The following ADCY8 variants were observed in gnomAD, a reference collection of about 807,000 sequenced individuals.
ADCY8 encodes adenylate cyclase 8, also known as adenylate cyclase type 8.
A neutral mutation model predicts 119.7 loss-of-function variants in ADCY8; 51 were observed. That is an observed-to-expected ratio of 0.43 (90% CI 0.34 to 0.54). The LOEUF (loss-of-function observed/expected upper bound fraction) is 0.54. Ranked by LOEUF, ADCY8 falls within the 20% of genes least tolerant of loss-of-function variation. The pLI, the probability that ADCY8 is intolerant of heterozygous loss-of-function variation, is 0.03. For synonymous variants in ADCY8, 665 were observed against 651.0 expected (o/e 1.02, Z -0.33); for missense variants, 1,383 against 1,598.8 (o/e 0.87, Z 2.30).
intron 5 of ADCY8, 29 bp downstream of exon 5, chr8:130,937,044 C>T: frequency 6.3e-7 from 1 of 1,593,988 alleles, no homozygotes; most frequent in Admixed American, 1.7e-5. Context: ...ATTGAAGACC[C>T]AGGTAACATG....
intron 2 of ADCY8, among the ~76,000 whole-genome samples, chr8:130,964,186 C>G (rs956192332): frequency 6.6e-6 from 1 of 152,240 alleles, no homozygotes; most frequent in African/African-American, 2.4e-5. Flanking sequence ...GGTAGACGCT[C>G]TCTTGGCTGA....
At chr8:130,780,946 C>T in intron 17 of ADCY8, 69 bp from the exon 18 acceptor site, 3 of 1,564,822 alleles carry the variant, frequency 1.9e-6, no homozygotes, top group African/African-American at 2.7e-5. Flanking sequence ...TGGACCCCTC[C>T]CTGGGACAGT....
chr8:130,809,934 T>A (rs1009884234), intron 14 of ADCY8, among the ~76,000 whole-genome samples: 3 of 152,226 alleles, frequency 2.0e-5, no homozygotes, highest in Non-Finnish European at 2.9e-5. Context: ...AGGCTGTACA[T>A]TCGGTTCCTC....
In ADCY8 at chr8:130,817,244, T is replaced by C. The variant is rs139424026; in HGVS notation, c.2755-3017A>G. On this transcript the variant is annotated intron_variant, in intron 13 of 17. Coordinates refer to ENST00000286355, the MANE Select transcript of ADCY8 (RefSeq NM_001115.3). Reference sequence around the variant, plus strand: ...AAAGGAGCTGCAGATACAAGATTGATGAAGTTAAGTCAAAAGCTTGTGGTC... The same window carrying C: ...AAAGGAGCTGCAGATACAAGATTGACGAAGTTAAGTCAAAAGCTTGTGGTC... Among the ~76,000 whole-genome samples the C allele has an allele frequency of 5.9e-5, 9 of 152,298 alleles. No homozygotes were observed. The East Asian group carries it at 1.3e-3, about 23-fold the overall frequency.
At chr8:130,954,864 C>A (rs1821378065) in intron 2 of ADCY8, among the ~76,000 whole-genome samples, 1 of 152,158 alleles carries the variant, frequency 6.6e-6, no homozygotes, top group Non-Finnish European at 1.5e-5. Flanking sequence ...ATTAAGGCAG[C>A]ACGTGGGATA....
chr8:130,819,108 C>G (rs1001483752), intron 13 of ADCY8, among the ~76,000 whole-genome samples: 2 of 152,070 alleles, frequency 1.3e-5, no homozygotes, highest in African/African-American at 4.8e-5. Context: ...ATTATCATAC[C>G]CATTTTACAG....
chr8:131,004,797 G>A (rs1411183), intron 1 of ADCY8, among the ~76,000 whole-genome samples: 2 of 152,168 alleles, frequency 1.3e-5, no homozygotes, highest in Non-Finnish European at 2.9e-5. Flanking sequence ...GAGCCAGGCA[G>A]CCTTCTCTTA....
At chr8:130,904,782 T>G (rs960433574) in intron 6 of ADCY8, among the ~76,000 whole-genome samples, 7 of 152,204 alleles carry the variant, frequency 4.6e-5, no homozygotes, top group African/African-American at 1.7e-4. Flanking sequence ...AAATAACATA[T>G]GACATCAGGG....
intron 7 of ADCY8, among the ~76,000 whole-genome samples, chr8:130,903,529 CAA>C (rs35960116): frequency 4.8e-4 from 59 of 122,724 alleles, no homozygotes; most frequent in Non-Finnish European, 5.1e-4. Flanking sequence ...AGCTAGGTTA[CAA>C]AAAAAAAAAA....
At chr8:130,937,269 G>A (rs2130625030) in intron 4 of ADCY8, 69 bp from the exon 5 acceptor site, 1 of 1,525,328 alleles carries the variant, frequency 6.6e-7, no homozygotes, top group Non-Finnish European at 8.9e-7. Flanking sequence ...AAAGGCTTGA[G>A]AAAGAGGCGA....
Position 130,956,317 on chromosome 8 carries a change from G to C in ADCY8, c.1111-4319C>G, listed in dbSNP as rs185811779. ...TCCTCACATCCTCTATTCTGAGCAG[G>C]AGATTATGGGCTATTTATTGTGTTA... On this transcript the variant is annotated intron_variant, in intron 2 of 17. Coordinates refer to ENST00000286355, the MANE Select transcript of ADCY8 (RefSeq NM_001115.3). 3.7e-4 allele frequency among the ~76,000 whole-genome samples: 56 copies of C among 152,284 alleles called. 1 individual carries two copies. In the East Asian group the frequency reaches 9.9e-3, roughly 27 times the overall value.
At position 130,839,528 on chromosome 8, in the gene ADCY8, A is replaced by G. The variant is rs900571684; in HGVS notation, c.2503-3079T>C. Among the ~76,000 whole-genome samples, 2 of 140,172 alleles carry G rather than the reference A, an allele frequency of 1.4e-5. 1 individual carries two copies. Among genetic ancestry groups the G allele is most frequent in the Non-Finnish European group, 3.2e-5 (2 of 61,880 alleles). The allele number at this position is 140,172 out of a possible 152,430, so 92.0% of individuals were successfully genotyped here. Reference sequence around the variant, plus strand: ...TGGGACCAGGAAATGGGAGAACAACAGGAAGCTACAGAAGTATTATGGCTT... The same window carrying G: ...TGGGACCAGGAAATGGGAGAACAACGGGAAGCTACAGAAGTATTATGGCTT... On this transcript the variant is annotated intron_variant, in intron 11 of 17. Coordinates refer to ENST00000286355, the MANE Select transcript of ADCY8 (RefSeq NM_001115.3).
chr8:130,831,726 G>T (rs16904368), intron 12 of ADCY8, among the ~76,000 whole-genome samples: 5,393 of 152,242 alleles, frequency 0.035, 313 homozygotes, highest in African/African-American at 0.12. Context: ...AGCTCTTAAA[G>T]GGTTTTTAGA....
Position 130,814,243 on chromosome 8 carries a change from GAGAA to G in ADCY8, c.2755-20_2755-17del. On this transcript the variant is annotated splice_polypyrimidine_tract_variant and intron_variant, in intron 13 of 17. Coordinates refer to ENST00000286355, the MANE Select transcript of ADCY8 (RefSeq NM_001115.3). The stretch of plus-strand genomic sequence containing the variant: ...TGTACTCCAGCTGCAGTACATGTGA[GAGAA>G]AGAGGAGAATGAGGTAAACTTCTGA... The G allele has an allele frequency of 6.2e-7, 1 of 1,612,620 alleles. No individual in the cohort carries two copies. The highest frequency in any genetic ancestry group is 8.5e-7 in the Non-Finnish European group (1 of 1,179,558).
At chr8:130,830,425 T>C (rs1816796875) in intron 12 of ADCY8, among the ~76,000 whole-genome samples, 1 of 152,198 alleles carries the variant, frequency 6.6e-6, no homozygotes, top group Non-Finnish European at 1.5e-5. Flanking sequence ...AATTAATCTG[T>C]GAGCCCTATG....
intron 6 of ADCY8, among the ~76,000 whole-genome samples, chr8:130,906,932 G>T (rs931615934): frequency 2.6e-5 from 4 of 151,854 alleles, no homozygotes; most frequent in African/African-American, 9.7e-5. Context: ...AACTGGCCCA[G>T]AAGTAACAAG....
chr8:130,943,497 G>GGGGGGGCCCCCCC, intron 3 of ADCY8, 35 bp from the exon 4 acceptor site: 2 of 491,352 alleles, frequency 4.1e-6, no homozygotes, highest in Non-Finnish European at 8.4e-6. Flanking sequence ...GTGGGGGGAG[G>GGGGGGGCCCCCCC]AAGTATATTA....
At chr8:130,808,352 G>A (rs1304738461) in intron 14 of ADCY8, among the ~76,000 whole-genome samples, 1 of 152,158 alleles carries the variant, frequency 6.6e-6, no homozygotes, top group Admixed American at 6.5e-5. Flanking sequence ...GACTGGGAAG[G>A]AGTAGAAAAA....
Position 130,893,463 on chromosome 8 carries a change from G to A in ADCY8, c.1912-8702C>T, listed in dbSNP as rs1307529696. ...TATCTCCTAGCACTGAATTAGCTGG[G>A]TTGAAATGTCATTGGCTGTAGTTGG... is the stretch of plus-strand genomic sequence containing the variant. On this transcript the variant is annotated intron_variant, in intron 7 of 17. Coordinates refer to ENST00000286355, the MANE Select transcript of ADCY8 (RefSeq NM_001115.3). Among the ~76,000 whole-genome samples, 3 of 152,266 alleles carry A rather than the reference G, an allele frequency of 2.0e-5. No homozygotes were observed. The East Asian group carries it at 5.8e-4, about 29-fold the overall frequency.
Sources: gnomAD v4.1 joint callset for allele counts (sites outside exome capture counted in the v4.1 genomes callset) on GRCh38, gnomAD v4.1.1 for gene constraint, MANE v1.5 for transcripts, NCBI Gene and HGNC (gene_info 2026-07-23, HGNC 2026-07-21) for gene names.